CEP128: variants seen among roughly 807,000 people sequenced by gnomAD.
CEP128 encodes the protein centrosomal protein 128, also known as centrosomal protein 128kDa.
In CEP128, 132 loss-of-function variants were observed where a neutral mutation model predicts 156.7. The observed-to-expected ratio is 0.84, with a 90% CI of 0.73 to 0.97. The LOEUF (loss-of-function observed/expected upper bound fraction) is 0.97. Ranked by LOEUF, CEP128 falls within the 50% of genes least tolerant of loss-of-function variation. The pLI is 0.00. For synonymous variants in CEP128, 469 were observed against 448.9 expected, an observed-to-expected ratio of 1.04 and a Z score of -0.57; for missense variants, 1,252 against 1,281.9, an observed-to-expected ratio of 0.98 and a Z score of 0.36.
chr14:80,813,741 A>ATTTT (rs1359897735), intron 13 of CEP128, among the ~76,000 whole-genome samples: 15 of 152,172 alleles, frequency 9.9e-5, no homozygotes, highest in Admixed American at 7.2e-4. Flanking sequence ...ATGCAATTCT[A>ATTTT]GTTTTATAAA....
intron 1 of CEP128, chr14:80,958,365 A>G (rs1886822241): frequency 6.6e-6 from 1 of 152,196 alleles, no homozygotes; most frequent in Non-Finnish European, 1.5e-5. Flanking sequence ...TTTGAATATC[A>G]TATCATCAAC....
At chr14:80,593,634 CAAAATCAATATGCA>C (rs1892185113) in intron 19 of CEP128, among the ~76,000 whole-genome samples, 2 of 151,110 alleles carry the variant, frequency 1.3e-5, no homozygotes, top group Non-Finnish European at 2.9e-5. Flanking sequence ...TCTCAGGATA[CAAAATCAATATGCA>C]AAAATCACAA....
chr14:80,597,191 G>C (rs1892367440), intron 19 of CEP128, among the ~76,000 whole-genome samples: 1 of 152,080 alleles, frequency 6.6e-6, no homozygotes, highest in African/African-American at 2.4e-5. Context: ...CAGAGAAAGA[G>C]AGACGGGGCA....
intron 21 of CEP128, among the ~76,000 whole-genome samples, chr14:80,536,122 G>A (rs911585604): frequency 2.0e-5 from 3 of 152,064 alleles, no homozygotes; most frequent in Non-Finnish European, 2.9e-5. Flanking sequence ...CTTTATTTCT[G>A]ACTGCAGGGA....
intron 19 of CEP128, among the ~76,000 whole-genome samples, chr14:80,625,630 C>T (rs771904051): frequency 2.6e-5 from 4 of 151,936 alleles, no homozygotes; most frequent in Non-Finnish European, 2.9e-5. Context: ...CAATTTCTTT[C>T]GTCAGTGTTT....
At chr14:80,946,972 C>T (rs996960590) in intron 2 of CEP128, among the ~76,000 whole-genome samples, 1 of 152,124 alleles carries the variant, frequency 6.6e-6, no homozygotes, top group Non-Finnish European at 1.5e-5. Flanking sequence ...AGCACTTCCC[C>T]CTTCACTCTC....
chr14:80,794,511 C>T (rs928324092), intron 13 of CEP128, among the ~76,000 whole-genome samples: 4 of 152,030 alleles, frequency 2.6e-5, no homozygotes, highest in Admixed American at 6.6e-5. Context: ...TTGTGGTTTA[C>T]CTTTTGCTCT....
At chr14:80,901,394 T>C (rs1883555950) in intron 6 of CEP128, among the ~76,000 whole-genome samples, 1 of 152,190 alleles carries the variant, frequency 6.6e-6, no homozygotes, top group Non-Finnish European at 1.5e-5. Flanking sequence ...ATTGATTCAT[T>C]TCAACAAAAT....
In CEP128 at chr14:80,785,355, G is replaced by A. The variant is rs1248220106; in HGVS notation, c.1751C>T (p.Ser584Phe). 3.1e-6 allele frequency: 5 copies of A among 1,613,958 alleles called. No individual in the cohort carries two copies. Among genetic ancestry groups the A allele is most frequent in the Non-Finnish European group, 4.2e-6 (5 of 1,179,996 alleles). The change falls in exon 15 of 25, where the codon TCC (serine) becomes TTC (phenylalanine). Residue 584 changes from serine to phenylalanine, a missense_variant. Physicochemically the swap from Ser to Phe is radical, Grantham distance 155 (BLOSUM62 -2). Coordinates refer to ENST00000555265, the MANE Select transcript of CEP128 (RefSeq NM_152446.5). The part of the protein sequence containing the change: ...QADLELEVKN[S>F]LDTIHRLESE... ...CTCCAGTCTATGGATGGTATCCAGG[G>A]AATTCTTAACTTCCAATTCAAGGTC...
chr14:80,692,738 C>A (rs1454696218), intron 19 of CEP128, among the ~76,000 whole-genome samples: 3 of 152,138 alleles, frequency 2.0e-5, no homozygotes, highest in Admixed American at 2.0e-4. Flanking sequence ...CTCTAAGAAT[C>A]CTGCTACATT....
chr14:80,806,126 G>C (rs910403013), intron 13 of CEP128, among the ~76,000 whole-genome samples: 1 of 151,750 alleles, frequency 6.6e-6, no homozygotes, highest in African/African-American at 2.4e-5. Context: ...TTTTCTTTTT[G>C]CCAAATGGAG....
At chr14:80,765,163 C>T (rs1329068644) in intron 16 of CEP128, among the ~76,000 whole-genome samples, 3 of 152,194 alleles carry the variant, frequency 2.0e-5, no homozygotes, top group African/African-American at 7.2e-5. Context: ...CTCCTACTCT[C>T]ATAGAGTCAA....
At chr14:80,601,452 C>CA (rs1205379486) in intron 19 of CEP128, among the ~76,000 whole-genome samples, 2 of 152,008 alleles carry the variant, frequency 1.3e-5, no homozygotes, top group Non-Finnish European at 2.9e-5. Flanking sequence ...ACAAAAATCA[C>CA]AAAAAAATCT....
chr14:80,900,838 T>C (rs182039867), intron 6 of CEP128, among the ~76,000 whole-genome samples: 3 of 152,336 alleles, frequency 2.0e-5, no homozygotes, highest in African/African-American at 7.2e-5. Flanking sequence ...AATTGTTTTT[T>C]AAAGCAGAAA....
intron 8 of CEP128, among the ~76,000 whole-genome samples, chr14:80,880,698 A>G (rs1377439158): frequency 1.3e-5 from 2 of 150,106 alleles, no homozygotes; most frequent in African/African-American, 4.9e-5. Context: ...CTACTAAAAA[A>G]AAAAAATACA....
intron 21 of CEP128, among the ~76,000 whole-genome samples, chr14:80,540,158 T>C (rs1889678303): frequency 6.6e-6 from 1 of 151,710 alleles, no homozygotes; most frequent in East Asian, 2.0e-4. Flanking sequence ...TTTTTGCCCT[T>C]TGAAGCATGT....
chr14:80,671,143 G>A (rs1026435456), intron 19 of CEP128, among the ~76,000 whole-genome samples: 7 of 152,158 alleles, frequency 4.6e-5, no homozygotes, highest in African/African-American at 1.4e-4. Context: ...AAAGAATGCA[G>A]GGACATGCTA....
intron 19 of CEP128, among the ~76,000 whole-genome samples, chr14:80,599,669 A>G (rs1057173375): frequency 1.3e-5 from 2 of 152,140 alleles, no homozygotes; most frequent in African/African-American, 4.8e-5. Flanking sequence ...AAGAAAGAAA[A>G]AAAAACTTGG....
chr14:80,843,352 G>C (rs772732616), intron 9 of CEP128, among the ~76,000 whole-genome samples: 4 of 152,028 alleles, frequency 2.6e-5, no homozygotes, highest in Non-Finnish European at 5.9e-5. Context: ...CCTATCCCAA[G>C]TTCTCCTAAT....
Sources: allele counts gnomAD v4.1 joint callset (sites outside exome capture counted in the v4.1 genomes callset), GRCh38; gene constraint gnomAD v4.1.1; transcripts MANE v1.5; gene names NCBI Gene and HGNC (gene_info 2026-07-23, HGNC 2026-07-21).